Variants in UPF2 observed in about 807,000 individuals in gnomAD.
UPF2 encodes the protein UPF2 regulator of nonsense mediated mRNA decay, also known as regulator of nonsense transcripts 2.
A neutral mutation model predicts 141.4 loss-of-function variants in UPF2; 17 were observed. That is an observed-to-expected ratio of 0.12 (90% CI 0.08 to 0.18). The LOEUF (loss-of-function observed/expected upper bound fraction) is 0.18, where lower values mean the gene tolerates loss of function less well. UPF2 is among the 10% of genes least tolerant of loss of function. The pLI is 1.00. For synonymous variants in UPF2, 540 were observed against 498.0 expected, an observed-to-expected ratio of 1.08 and a Z score of -1.12; for missense variants, 1,152 against 1,515.9, an observed-to-expected ratio of 0.76 and a Z score of 3.99.
At chr10:12,001,412 T>C (rs2048018) in intron 6 of UPF2, among the ~76,000 whole-genome samples, 127,143 of 151,974 alleles carry the variant, frequency 0.84, 53,636 homozygotes, top group East Asian at 1. Flanking sequence ...GAGACTTAGT[T>C]TCAGAAAAAA....
chr10:11,929,583 G>C (rs1253372856), intron 21 of UPF2, among the ~76,000 whole-genome samples: 1 of 152,120 alleles, frequency 6.6e-6, no homozygotes, highest in East Asian at 1.9e-4. Flanking sequence ...GCTGTAGTGA[G>C]TGAGTTGCGA....
In UPF2 at chr10:11,936,157, G is replaced by A. The variant is rs1437465092; in HGVS notation, c.3546+388C>T. Among the ~76,000 whole-genome samples, 3 of 152,096 alleles carry A rather than the reference G, an allele frequency of 2.0e-5. No individual in the cohort carries two copies. Among genetic ancestry groups the A allele is most frequent in the African/African-American group, 4.8e-5 (2 of 41,414 alleles). On this transcript the variant is annotated intron_variant, in intron 19 of 21. Coordinates refer to ENST00000357604, the MANE Select transcript of UPF2 (RefSeq NM_015542.4). The surrounding 1 kb of genome is among the most constrained non-coding windows in gnomAD (Gnocchi z 6.6). The stretch of plus-strand genomic sequence containing the variant: ...GGCCGAGATGGGCAGATCACCTGAG[G>A]TCAGGAGTTCCAGACCAGCCTGGCC...
rs370201909 is a variant in UPF2, at chr10:11,928,432, G to A, written c.3809+1433C>T. 5.3e-5 allele frequency among the ~76,000 whole-genome samples: 8 copies of A among 152,250 alleles called. No homozygotes were observed. In the East Asian group the frequency reaches 9.7e-4, roughly 18 times the overall value. ...ACCCTTAAAAAACATAAAAGAGGCC[G>A]GGCGCAGTGGCTCACGCCTGTAATC... On this transcript the variant is annotated intron_variant, in intron 21 of 21. Coordinates refer to ENST00000357604, the MANE Select transcript of UPF2 (RefSeq NM_015542.4).
chr10:11,936,913 C>T lies in UPF2; in HGVS notation c.3379-201G>A, dbSNP rs141956384. Among the ~76,000 whole-genome samples, 18 of 152,370 alleles carry T rather than the reference C, an allele frequency of 1.2e-4. No homozygotes were observed. Among genetic ancestry groups the T allele is most frequent in the African/African-American group, 4.3e-4 (18 of 41,584 alleles). The stretch of plus-strand genomic sequence containing the variant: ...GGAGTATTTCTCCCTCCACCTAACA[C>T]CTCTGCCTATGACATGGAAGGAAAT... On this transcript the variant is annotated intron_variant, in intron 18 of 21. Coordinates refer to ENST00000357604, the MANE Select transcript of UPF2 (RefSeq NM_015542.4). The surrounding 1 kb of genome is among the most constrained non-coding windows in gnomAD (Gnocchi z 6.6).
At chr10:11,958,585 T>C (rs928058188) in intron 12 of UPF2, among the ~76,000 whole-genome samples, 6 of 152,242 alleles carry the variant, frequency 3.9e-5, no homozygotes, top group South Asian at 2.1e-4. Flanking sequence ...CTACCCTGTA[T>C]TATATGTCAA....
intron 8 of UPF2, among the ~76,000 whole-genome samples, chr10:11,986,041 A>C (rs961723780): frequency 1.5e-4 from 22 of 151,058 alleles, no homozygotes; most frequent in African/African-American, 5.1e-4. Context: ...CCCGCCACCA[A>C]GCCCGGCTAA....
chr10:11,965,455 T>TA (rs1393142731), intron 10 of UPF2, among the ~76,000 whole-genome samples: 1 of 152,094 alleles, frequency 6.6e-6, no homozygotes, highest in Non-Finnish European at 1.5e-5. Flanking sequence ...CAATACTTAT[T>TA]AGTATTTTAT....
chr10:12,038,606 G>C (rs1299270128), intron 1 of UPF2, among the ~76,000 whole-genome samples: 1 of 151,670 alleles, frequency 6.6e-6, no homozygotes, highest in Non-Finnish European at 1.5e-5. Flanking sequence ...GAGGGTGCCT[G>C]TAATCCCAGC....
chr10:11,932,959 GC>G (rs1462502737), intron 19 of UPF2, among the ~76,000 whole-genome samples: 3 of 152,070 alleles, frequency 2.0e-5, no homozygotes, highest in African/African-American at 7.2e-5. Context: ...GAATAAAAAA[GC>G]TTTTTAAAGC....
chr10:11,931,448 T>C lies in UPF2; in HGVS notation c.3688+193A>G, dbSNP rs1832780861. Among the ~76,000 whole-genome samples, 1 of 152,198 alleles carries C rather than the reference T, an allele frequency of 6.6e-6. No homozygotes were observed. Among genetic ancestry groups the C allele is most frequent in the African/African-American group, 2.4e-5 (1 of 41,428 alleles). On this transcript the variant is annotated intron_variant, in intron 20 of 21. Transcript: ENST00000357604. The surrounding 1 kb of genome is among the most constrained non-coding windows in gnomAD (Gnocchi z 5.9). ...TAGCTTAGCAGTTTATACTCTAATT[T>C]AATTAGAGCAAAATATGGTGAAAAT...
At chr10:11,924,707 G>A (rs1319997593) in intron 21 of UPF2, among the ~76,000 whole-genome samples, 1 of 151,844 alleles carries the variant, frequency 6.6e-6, no homozygotes, top group African/African-American at 2.4e-5. Flanking sequence ...CTTCCACCTC[G>A]ACCTCCCAAA....
chr10:12,031,954 CA>C (rs1407842321), intron 2 of UPF2, among the ~76,000 whole-genome samples: 2 of 152,076 alleles, frequency 1.3e-5, no homozygotes, highest in Admixed American at 1.3e-4. Context: ...TGAAGTCTCC[CA>C]GCAACACACA....
chr10:11,936,525 C>A lies in UPF2; in HGVS notation c.3546+20G>T. ...TATAACTCACAATCAGCTATAATTACAGGGCGGGCAGTTTCTTACCTGCTG... is the reference window on the plus strand; with the variant it reads ...TATAACTCACAATCAGCTATAATTAAAGGGCGGGCAGTTTCTTACCTGCTG... On this transcript the variant is annotated intron_variant, in intron 19 of 21. Transcript: ENST00000357604. The surrounding 1 kb of genome is among the most constrained non-coding windows in gnomAD (Gnocchi z 6.6). The A allele has an allele frequency of 6.3e-7, 1 of 1,575,718 alleles. No individual in the cohort carries two copies. Among genetic ancestry groups the A allele is most frequent in the Non-Finnish European group, 8.6e-7 (1 of 1,161,908 alleles).
chr10:12,037,319 T>G lies in UPF2; in HGVS notation c.-18-1878A>C, dbSNP rs545918129. 3.9e-5 allele frequency among the ~76,000 whole-genome samples: 6 copies of G among 152,248 alleles called. No homozygotes were observed. The South Asian group carries it at 1.2e-3, about 32-fold the overall frequency. On this transcript the variant is annotated intron_variant, in intron 1 of 21. Transcript: ENST00000357604. ...CTGGTCTCGAAATCCTGAGTTTAAG[T>G]GATCCATCCACCTGGGCCTCCCAAA...
rs559603623 is a variant in UPF2 at position 11,998,105 on chromosome 10, TG to T, written c.1759-349del. On this transcript the variant is annotated intron_variant, in intron 7 of 21. Transcript: ENST00000357604. This position sits in a 1 kb window ranked among gnomAD's most constrained non-coding sequence, Gnocchi z 4.5. ...TAGTGTCGACAGTCAGATTTGGTAATGTTAGGGTTTAGAAAGCAATACCCCA... is the reference window on the plus strand; with the variant it reads ...TAGTGTCGACAGTCAGATTTGGTAATTTAGGGTTTAGAAAGCAATACCCCA... 6.4e-4 allele frequency among the ~76,000 whole-genome samples: 98 copies of T among 152,314 alleles called. No individual in the cohort carries two copies. The highest frequency in any genetic ancestry group is 2.1e-3 in the Admixed American group (32 of 15,296).
chr10:11,920,398 A>G lies in UPF2; in HGVS notation c.*900T>C, dbSNP rs570798020. ...CAAAATAAAAGCTCTACTTGTTTCC[A>G]TACTTTGTTTAGAGACAGAGGCTGT... On this transcript the variant is annotated 3_prime_UTR_variant, in exon 22 of 22. Transcript: ENST00000357604. 6.6e-6 allele frequency: 1 copy of G among 152,266 alleles called. No individual in the cohort carries two copies. Among genetic ancestry groups the G allele is most frequent in the Non-Finnish European group, 1.5e-5 (1 of 68,028 alleles). The allele number at this position is 152,266 out of a possible 1,614,324, so 9.4% of individuals were successfully genotyped here. A position where few individuals can be genotyped will look rare whatever the true frequency, so the allele number is the denominator to read the frequency against.
chr10:12,037,586 G>A (rs772500078), intron 1 of UPF2, among the ~76,000 whole-genome samples: 1 of 150,388 alleles, frequency 6.6e-6, no homozygotes, highest in Non-Finnish European at 1.5e-5. Context: ...AGTAAAGATG[G>A]GTTTCACCAT....
At chr10:12,029,957 C>CA (rs113204207) in intron 2 of UPF2, among the ~76,000 whole-genome samples, 2,467 of 70,752 alleles carry the variant, frequency 0.035, 58 homozygotes, top group African/African-American at 0.11. Context: ...GACTCCGTCT[C>CA]AAAAAAAAAA....
Position 11,979,307 on chromosome 10 carries a change from C to T in UPF2, c.1845-142G>A. On this transcript the variant is annotated intron_variant, in intron 8 of 21. Transcript: ENST00000357604. This position sits in a 1 kb window ranked among gnomAD's most constrained non-coding sequence, Gnocchi z 6.2. The stretch of plus-strand genomic sequence containing the variant: ...TACAGACATGCCTATTTATTGCCAT[C>T]ATAAAGAAGTGTTTGAAAATTCAAT... 2 of 532,836 alleles carry T rather than the reference C, an allele frequency of 3.8e-6. No individual in the cohort carries two copies. The highest frequency in any genetic ancestry group is 3.3e-6 in the Non-Finnish European group (1 of 307,684). The allele number at this position is 532,836 out of a possible 1,614,324, so 33.0% of individuals were successfully genotyped here. A position where few individuals can be genotyped will look rare whatever the true frequency, so the allele number is the denominator to read the frequency against.
Sources: gnomAD v4.1 joint callset for allele counts (sites outside exome capture counted in the v4.1 genomes callset) on GRCh38, gnomAD v4.1.1 for gene constraint, Gnocchi (gnomAD v3.1) non-coding constraint, MANE v1.5 for transcripts, NCBI Gene and HGNC (gene_info 2026-07-23, HGNC 2026-07-21) for gene names.